The following RIMS2 variants were observed in gnomAD, a reference collection of about 807,000 sequenced individuals.
RIMS2 encodes regulating synaptic membrane exocytosis protein 2.
In RIMS2, 59 loss-of-function variants were observed where a neutral mutation model predicts 174.4. The ratio of observed to expected loss-of-function variants is 0.34; its 90% CI spans 0.27 to 0.42. The LOEUF (loss-of-function observed/expected upper bound fraction) is 0.42. Among genes scored for constraint, RIMS2 ranks in the 10% least tolerant of loss-of-function variants. RIMS2 has a pLI of 1.00. For missense variants in RIMS2, 1,620 were observed against 1,666.3 expected (o/e 0.97, Z 0.48); for synonymous variants, 606 against 572.5 (o/e 1.06, Z -0.84).
intron 3 of RIMS2, among the ~76,000 whole-genome samples, chr8:103,847,197 A>G (rs150317761): frequency 6.6e-6 from 1 of 152,222 alleles, no homozygotes; most frequent in Non-Finnish European, 1.5e-5. Context: ...AGATTTCCCA[A>G]GTGGATAACT....
At chr8:103,977,584 A>G (rs970075901) in intron 16 of RIMS2, 8 of 152,218 alleles carry the variant, frequency 5.3e-5, no homozygotes, top group African/African-American at 1.7e-4. Context: ...GCACCTGAGT[A>G]TCCTGTAATT....
At chr8:103,885,176 A>C in intron 3 of RIMS2, 122 bp from the exon 7 acceptor site, 3 of 1,364,438 alleles carry the variant, frequency 2.2e-6, no homozygotes, top group Non-Finnish European at 2.9e-6. Flanking sequence ...TATGCCTTTA[A>C]AATGAAATTT....
At chr8:104,116,273 A>C (rs1276319574) in intron 19 of RIMS2, among the ~76,000 whole-genome samples, 1 of 152,194 alleles carries the variant, frequency 6.6e-6, no homozygotes. Flanking sequence ...AAATAATAGG[A>C]TGTTCTATAA....
intron 22 of RIMS2, 134 bp from the exon 29 acceptor site, chr8:104,250,890 G>T: frequency 1.4e-6 from 1 of 727,456 alleles, no homozygotes; most frequent in Admixed American, 2.4e-5. Flanking sequence ...GATTTTGACA[G>T]AATGCAGCTA....
At chr8:103,833,396 T>A (rs191770314) in intron 3 of RIMS2, among the ~76,000 whole-genome samples, 134 of 152,268 alleles carry the variant, frequency 8.8e-4, no homozygotes, top group Non-Finnish European at 1.3e-3. Context: ...TGTGTATAAA[T>A]TTATGTTCTT....
At chr8:104,237,640 T>C (rs886431322) in intron 19 of RIMS2, among the ~76,000 whole-genome samples, 3 of 152,164 alleles carry the variant, frequency 2.0e-5, no homozygotes, top group Non-Finnish European at 4.4e-5. Context: ...ACTTTTATAA[T>C]ATTAAATAGT....
chr8:103,528,517 G>T (rs992501916), intron 1 of RIMS2, among the ~76,000 whole-genome samples: 6 of 152,064 alleles, frequency 3.9e-5, no homozygotes, highest in African/African-American at 1.4e-4. Context: ...GAGTTTTTAT[G>T]GTTTTAGGTC....
chr8:104,036,453 G>C (rs2096519867), intron 19 of RIMS2, among the ~76,000 whole-genome samples: 1 of 151,800 alleles, frequency 6.6e-6, no homozygotes, highest in South Asian at 2.1e-4. Context: ...ACCCGGTCTG[G>C]AAATAAATTA....
chr8:103,755,565 C>T (rs938770072), intron 2 of RIMS2, among the ~76,000 whole-genome samples: 3 of 152,194 alleles, frequency 2.0e-5, no homozygotes. Context: ...TGCAGGTACA[C>T]CAGTCAAACA....
intron 19 of RIMS2, among the ~76,000 whole-genome samples, chr8:104,170,110 A>G (rs577186393): frequency 5.8e-4 from 89 of 152,184 alleles, no homozygotes; most frequent in African/African-American, 2.1e-3. Flanking sequence ...AGAATGTTCC[A>G]TGTACTGATG....
chr8:104,121,324 G>A (rs536985195), intron 19 of RIMS2, among the ~76,000 whole-genome samples: 1 of 152,196 alleles, frequency 6.6e-6, no homozygotes, highest in Admixed American at 6.5e-5. Flanking sequence ...AAACCATGGT[G>A]GAACAGAGGA....
intron 14 of RIMS2, among the ~76,000 whole-genome samples, chr8:103,948,060 A>G (rs1373186985): frequency 1.3e-5 from 2 of 152,238 alleles, no homozygotes; most frequent in Non-Finnish European, 2.9e-5. Context: ...AGATTAAAAT[A>G]TATGGATCAC....
Position 104,095,455 on chromosome 8 carries a change from A to AG in RIMS2, c.3334+80843dup, listed in dbSNP as rs147345681. On this transcript the variant is annotated intron_variant, in intron 19 of 23. Coordinates refer to ENST00000504942, the Ensembl canonical transcript of RIMS2. The stretch of plus-strand genomic sequence containing the variant: ...AACTTCTGGAGAGGGAACTTTGAAC[A>AG]GGGAGAAGGGCAGGGAAAAAATACA... Among the ~76,000 whole-genome samples the AG allele has an allele frequency of 9.3e-4, 142 of 152,320 alleles. 1 individual carries two copies. The East Asian group carries it at 0.02, about 21-fold the overall frequency.
intron 19 of RIMS2, among the ~76,000 whole-genome samples, chr8:104,155,786 CTG>C (rs1478227593): frequency 1.3e-5 from 2 of 152,202 alleles, no homozygotes; most frequent in South Asian, 2.1e-4. Flanking sequence ...TGCGATGAAA[CTG>C]TGGTTTGAAG....
intron 17 of RIMS2, among the ~76,000 whole-genome samples, chr8:103,992,359 C>G (rs118088078): frequency 0.065 from 9,354 of 144,374 alleles, 382 homozygotes; most frequent in Middle Eastern, 0.12. Flanking sequence ...CTCCTGACTT[C>G]AGGTGATCCA....
At chr8:103,626,413 G>A (rs538758881) in intron 1 of RIMS2, among the ~76,000 whole-genome samples, 3 of 152,192 alleles carry the variant, frequency 2.0e-5, no homozygotes, top group East Asian at 1.9e-4. Flanking sequence ...AAAGAAAAAT[G>A]TAATAATAAT....
At chr8:103,748,676 C>A (rs1411900558) in intron 2 of RIMS2, among the ~76,000 whole-genome samples, 1 of 152,070 alleles carries the variant, frequency 6.6e-6, no homozygotes, top group African/African-American at 2.4e-5. Context: ...AAAGCATTGT[C>A]TTCTTTACCA....
Position 103,502,515 on chromosome 8 carries a change from G to A in RIMS2, c.176+1453G>A, listed in dbSNP as rs141912903. 5.4e-3 allele frequency among the ~76,000 whole-genome samples: 818 copies of A among 152,184 alleles called. 2 individuals are homozygous for A. Among genetic ancestry groups the A allele is most frequent in the Non-Finnish European group, 9.0e-3 (613 of 67,960 alleles). ...TGGCGTTGAATACTTATTTGGGAAT[G>A]TTATTTATTAACAGCCTTCAGATAT... On this transcript the variant is annotated intron_variant, in intron 1 of 23. Coordinates refer to ENST00000504942, the Ensembl canonical transcript of RIMS2.
At chr8:104,046,478 C>T (rs1358635234) in intron 19 of RIMS2, among the ~76,000 whole-genome samples, 1 of 151,950 alleles carries the variant, frequency 6.6e-6, no homozygotes, top group African/African-American at 2.4e-5. Flanking sequence ...ATTTTGAATG[C>T]TCTGTGCTTT....
Sources: allele counts gnomAD v4.1 joint callset (sites outside exome capture counted in the v4.1 genomes callset), GRCh38; gene constraint gnomAD v4.1.1; transcripts MANE v1.5; gene names NCBI Gene and HGNC (gene_info 2026-07-23, HGNC 2026-07-21).